Variants in SLX4IP observed in about 807,000 individuals in gnomAD.
The protein encoded by SLX4IP is SLX4 interacting protein, also known as protein SLX4IP.
In SLX4IP, 34 loss-of-function variants were observed where a neutral mutation model predicts 32.9. That is an observed-to-expected ratio of 1.03 (90% CI 0.79 to 1.38). The LOEUF is 1.38. SLX4IP is among the 40% of genes most tolerant of loss of function. The probability of loss-of-function intolerance (pLI) is 0.00; values close to 1 mark genes in which losing one functional copy is unlikely to be tolerated. For missense variants in SLX4IP, 444 were observed against 479.0 expected (o/e 0.93, Z 0.68); for synonymous variants, 172 against 171.7 (o/e 1.00, Z -0.01).
chr20:10,467,636 A>G (rs2065391426), intron 2 of SLX4IP, among the ~76,000 whole-genome samples: 1 of 152,182 alleles, frequency 6.6e-6, no homozygotes, highest in African/African-American at 2.4e-5. Flanking sequence ...CCCATTCAGT[A>G]TCATTGTTCT....
chr20:10,546,601 C>T (rs2122485301), intron 2 of SLX4IP, among the ~76,000 whole-genome samples: 1 of 152,098 alleles, frequency 6.6e-6, no homozygotes, highest in African/African-American at 2.4e-5. Flanking sequence ...TGGCATGGTG[C>T]AGAAGCCTCA....
chr20:10,592,334 C>T (rs1007952890), intron 4 of SLX4IP, among the ~76,000 whole-genome samples: 1 of 118,454 alleles, frequency 8.4e-6, no homozygotes, highest in African/African-American at 3.2e-5. Context: ...CACAGAACAA[C>T]CCCTTTCTCC....
At chr20:10,551,039 A>G (rs917931703) in intron 2 of SLX4IP, among the ~76,000 whole-genome samples, 1 of 152,216 alleles carries the variant, frequency 6.6e-6, no homozygotes, top group Non-Finnish European at 1.5e-5. Context: ...ACATCTCTTA[A>G]GAGTTCTGAG....
chr20:10,573,274 A>G (rs146722688), intron 4 of SLX4IP, among the ~76,000 whole-genome samples: 36 of 152,358 alleles, frequency 2.4e-4, no homozygotes, highest in Admixed American at 1.5e-3. Flanking sequence ...TCCTCCATAC[A>G]AACCTTCAGG....
At chr20:10,563,805 A>C (rs1439940321) in intron 4 of SLX4IP, among the ~76,000 whole-genome samples, 4 of 152,130 alleles carry the variant, frequency 2.6e-5, no homozygotes, top group Non-Finnish European at 5.9e-5. Flanking sequence ...TGTGGTTACT[A>C]TAGCTTTGTA....
intron 2 of SLX4IP, among the ~76,000 whole-genome samples, chr20:10,522,821 A>AG (rs2065911006): frequency 6.6e-6 from 1 of 152,108 alleles, no homozygotes; most frequent in Admixed American, 6.5e-5. Flanking sequence ...CATCTCTCCT[A>AG]CCCCATGGCA....
At chr20:10,527,596 A>G (rs2065950573) in intron 2 of SLX4IP, among the ~76,000 whole-genome samples, 1 of 152,124 alleles carries the variant, frequency 6.6e-6, no homozygotes, top group Admixed American at 6.5e-5. Context: ...GCCTTTAGAG[A>G]TGTTTTATTG....
intron 3 of SLX4IP, among the ~76,000 whole-genome samples, chr20:10,557,296 G>T (rs1026931951): frequency 3.3e-5 from 5 of 152,028 alleles, no homozygotes; most frequent in Admixed American, 6.6e-5. Flanking sequence ...AGATTTTATA[G>T]GATAATACAT....
rs141098552 is a variant in SLX4IP at position 10,478,149 on chromosome 20, T to C, written c.27+19918T>C. Among the ~76,000 whole-genome samples the C allele has an allele frequency of 9.5e-3, 1,448 of 152,262 alleles. 29 individuals are homozygous for C. Among genetic ancestry groups the C allele is most frequent in the African/African-American group, 0.033 (1,372 of 41,532 alleles). On this transcript the variant is annotated intron_variant, in intron 2 of 7. Coordinates refer to ENST00000334534, the MANE Select transcript of SLX4IP (RefSeq NM_001009608.3). ...CCTGAGCTCAGGCATTCCACCCGCCTCAGCCTCCCAAAGTGCTCGGATTAC... is the reference window on the plus strand; with the variant it reads ...CCTGAGCTCAGGCATTCCACCCGCCCCAGCCTCCCAAAGTGCTCGGATTAC...
chr20:10,626,008 T>TC lies in SLX4IP; in HGVS notation c.*2630dup, dbSNP rs1197237421. The TC allele has an allele frequency of 3.7e-5, 5 of 133,418 alleles. No individual in the cohort carries two copies. The highest frequency in any genetic ancestry group is 1.4e-4 in the African/African-American group (5 of 36,880). The allele number at this position is 133,418 out of a possible 1,614,324, so 8.3% of individuals were successfully genotyped here. On this transcript the variant is annotated 3_prime_UTR_variant, in exon 8 of 8. Transcript: ENST00000334534. ...TTGGGAATGGTATGTGTTTTGACAT[T>TC]CTTTTTTTTTTTTTTTTTTTTTTTG...
At chr20:10,506,385 T>C (rs2065759983) in intron 2 of SLX4IP, among the ~76,000 whole-genome samples, 2 of 152,238 alleles carry the variant, frequency 1.3e-5, no homozygotes, top group Admixed American at 6.5e-5. Context: ...AAAACCCACA[T>C]TGGACCCAGC....
chr20:10,617,568 C>A (rs1177465699), intron 6 of SLX4IP, among the ~76,000 whole-genome samples: 2 of 152,086 alleles, frequency 1.3e-5, no homozygotes, highest in East Asian at 1.9e-4. Flanking sequence ...CTTGGTTTAT[C>A]CACAGTTTCA....
At chr20:10,539,361 A>G (rs977368741) in intron 2 of SLX4IP, among the ~76,000 whole-genome samples, 2 of 152,298 alleles carry the variant, frequency 1.3e-5, no homozygotes, top group East Asian at 3.9e-4. Context: ...TTTTAAAGGG[A>G]TTAGAAGATT....
At chr20:10,579,409 C>T (rs572947231) in intron 4 of SLX4IP, among the ~76,000 whole-genome samples, 92 of 151,774 alleles carry the variant, frequency 6.1e-4, no homozygotes, top group African/African-American at 2.0e-3. Flanking sequence ...AATTCTGTTT[C>T]TTTTTTTTCT....
chr20:10,573,952 A>C (rs569119762), intron 4 of SLX4IP, among the ~76,000 whole-genome samples: 1 of 152,368 alleles, frequency 6.6e-6, no homozygotes, highest in African/African-American at 2.4e-5. Context: ...TGCAATTTCA[A>C]CAAAGATTAT....
intron 2 of SLX4IP, among the ~76,000 whole-genome samples, chr20:10,553,202 T>C (rs564794726): frequency 6.9e-4 from 105 of 152,228 alleles, no homozygotes; most frequent in Non-Finnish European, 9.7e-4. Context: ...TTAGAAATTA[T>C]AGCTCTTTTC....
At chr20:10,574,246 A>G (rs1399085032) in intron 4 of SLX4IP, among the ~76,000 whole-genome samples, 2 of 152,224 alleles carry the variant, frequency 1.3e-5, no homozygotes, top group African/African-American at 4.8e-5. Context: ...AAAAAACGTG[A>G]TGTACAAATC....
intron 2 of SLX4IP, among the ~76,000 whole-genome samples, chr20:10,502,663 A>G (rs1273911979): frequency 3.3e-5 from 5 of 150,722 alleles, no homozygotes; most frequent in African/African-American, 9.9e-5. Flanking sequence ...TTCCTTGACC[A>G]CCCCATTTAC....
chr20:10,557,239 AT>A (rs1401604484), intron 3 of SLX4IP, among the ~76,000 whole-genome samples: 1 of 152,228 alleles, frequency 6.6e-6, no homozygotes, highest in Non-Finnish European at 1.5e-5. Flanking sequence ...ATTGCTTTTA[AT>A]TAGCTTTTGG....
Sources: gnomAD v4.1 joint callset for allele counts (sites outside exome capture counted in the v4.1 genomes callset) on GRCh38, gnomAD v4.1.1 for gene constraint, MANE v1.5 for transcripts, NCBI Gene and HGNC (gene_info 2026-07-23, HGNC 2026-07-21) for gene names.